The following PTPN4 variants were observed in gnomAD, a reference collection of about 807,000 sequenced individuals.
PTPN4 encodes the protein tyrosine-protein phosphatase non-receptor type 4.
PTPN4 carries 49 observed loss-of-function variants against 135.5 expected under a neutral mutation model. The observed-to-expected ratio is 0.36, with a 90% CI of 0.29 to 0.46. PTPN4 has a LOEUF of 0.46. Among genes scored for constraint, PTPN4 ranks in the 20% least tolerant of loss-of-function variants. The pLI is 1.00. For missense variants in PTPN4, 860 were observed against 1,101.0 expected, an observed-to-expected ratio of 0.78 and a Z score of 3.10; for synonymous variants, 333 against 369.9, an observed-to-expected ratio of 0.90 and a Z score of 1.14.
rs1678713507 is a variant in PTPN4, at chr2:119,919,958, A to T, written c.829-111A>T. 7 of 1,401,574 alleles carry T rather than the reference A, an allele frequency of 5.0e-6. No homozygotes were observed. In the South Asian group the frequency reaches 1.2e-4, roughly 23 times the overall value. The allele number at this position is 1,401,574 out of a possible 1,614,324, so 86.8% of individuals were successfully genotyped here. A position where few individuals can be genotyped will look rare whatever the true frequency, so the allele number is the denominator to read the frequency against. ...CCCATAGGTTCTATCTATATCATTAACAAGTTCATGTTTACAAGGCTAGAA... is the reference window on the plus strand; with the variant it reads ...CCCATAGGTTCTATCTATATCATTATCAAGTTCATGTTTACAAGGCTAGAA... On this transcript the variant is annotated intron_variant, in intron 11 of 26. Transcript: ENST00000263708.
intron 8 of PTPN4, among the ~76,000 whole-genome samples, chr2:119,884,186 C>T (rs1449276208): frequency 6.6e-6 from 1 of 152,258 alleles, no homozygotes; most frequent in African/African-American, 2.4e-5. Flanking sequence ...GCGTGAGCCA[C>T]CACGCCCAGC....
At chr2:119,842,247 T>C (rs1677392638) in intron 2 of PTPN4, among the ~76,000 whole-genome samples, 1 of 152,222 alleles carries the variant, frequency 6.6e-6, no homozygotes, top group Non-Finnish European at 1.5e-5. Flanking sequence ...CATCAGGTCC[T>C]AGTATAAGGT....
intron 26 of PTPN4, among the ~76,000 whole-genome samples, chr2:119,969,195 TAG>T (rs964031531): frequency 2.6e-5 from 4 of 152,004 alleles, no homozygotes; most frequent in African/African-American, 4.8e-5. Flanking sequence ...TTATTTTTTG[TAG>T]AGAGGGGATC....
At chr2:119,779,883 C>A (rs1178019763) in intron 1 of PTPN4, among the ~76,000 whole-genome samples, 1 of 151,918 alleles carries the variant, frequency 6.6e-6, no homozygotes, top group African/African-American at 2.4e-5. Context: ...TAGTTGGGAC[C>A]ACAGTCACTC....
intron 1 of PTPN4, among the ~76,000 whole-genome samples, chr2:119,795,699 G>A (rs549629527): frequency 3.3e-4 from 51 of 152,308 alleles, no homozygotes; most frequent in Admixed American, 5.9e-4. Context: ...GTCCACAACT[G>A]TAACTTTTGC....
chr2:119,760,550 CAAAA>C (rs767413568), intron 1 of PTPN4, among the ~76,000 whole-genome samples, 166 bp downstream of exon 1: 30 of 151,668 alleles, frequency 2.0e-4, no homozygotes, highest in African/African-American at 5.6e-4. Flanking sequence ...AACAAACAAA[CAAAA>C]AAACGCTTTC....
At chr2:119,852,189 C>A (rs1000721262) in intron 2 of PTPN4, among the ~76,000 whole-genome samples, 2 of 152,142 alleles carry the variant, frequency 1.3e-5, no homozygotes, top group African/African-American at 4.8e-5. Context: ...GTAAATCAAC[C>A]CTACCTCCTT....
chr2:119,844,353 C>T (rs1276451238), intron 2 of PTPN4, among the ~76,000 whole-genome samples: 1 of 59,162 alleles, frequency 1.7e-5, no homozygotes, highest in Non-Finnish European at 3.2e-5. Flanking sequence ...GGGCTGACCC[C>T]CCCCCCCCAC....
At chr2:119,967,563 T>C (rs1574425364) in intron 25 of PTPN4, among the ~76,000 whole-genome samples, 1 of 152,240 alleles carries the variant, frequency 6.6e-6, no homozygotes, top group East Asian at 1.9e-4. Flanking sequence ...AGTAAGCTTC[T>C]ATTCCTTGTT....
At chr2:119,892,947 C>CG (rs1678263555) in intron 9 of PTPN4, among the ~76,000 whole-genome samples, 1 of 150,390 alleles carries the variant, frequency 6.6e-6, no homozygotes, top group African/African-American at 2.5e-5. Flanking sequence ...AGGCTGATCT[C>CG]AAACTTCTCA....
At chr2:119,859,081 A>C (rs867758684) in intron 2 of PTPN4, among the ~76,000 whole-genome samples, 2 of 151,574 alleles carry the variant, frequency 1.3e-5, no homozygotes, top group Admixed American at 6.6e-5. Context: ...TATAATTTGC[A>C]TTTGGTTCTT....
chr2:119,889,023 T>C (rs1308771582), intron 9 of PTPN4, among the ~76,000 whole-genome samples: 1 of 152,200 alleles, frequency 6.6e-6, no homozygotes, highest in Middle Eastern at 3.2e-3. Flanking sequence ...ATTGGTCTCT[T>C]CAGGTTTTCT....
At chr2:119,810,557 T>C (rs896914904) in intron 2 of PTPN4, among the ~76,000 whole-genome samples, 3 of 152,228 alleles carry the variant, frequency 2.0e-5, no homozygotes, top group African/African-American at 7.2e-5. Flanking sequence ...AGTTTACTTA[T>C]CCTTTCATTT....
intron 9 of PTPN4, among the ~76,000 whole-genome samples, chr2:119,895,065 A>G (rs994065808): frequency 1.3e-5 from 2 of 152,228 alleles, no homozygotes; most frequent in Non-Finnish European, 2.9e-5. Context: ...ATAAAGATAG[A>G]GGAAAATATA....
intron 9 of PTPN4, among the ~76,000 whole-genome samples, chr2:119,893,150 T>A (rs1001316161): frequency 5.9e-5 from 9 of 152,176 alleles, no homozygotes; most frequent in African/African-American, 2.2e-4. Context: ...GTTTTGAGAG[T>A]ATACTATAAG....
rs145737396 is a variant in PTPN4 at position 119,941,022 on chromosome 2, A to G, written c.1356-4059A>G. On this transcript the variant is annotated intron_variant, in intron 15 of 26. Transcript: ENST00000263708. The stretch of plus-strand genomic sequence containing the variant: ...TTGAGGGTACCAGCTGTAATTTCTG[A>G]CAGGGCTGTGTTTCACTATGCTGCC... Among the ~76,000 whole-genome samples the G allele has an allele frequency of 5.3e-4, 81 of 152,224 alleles. 1 individual carries two copies. Among genetic ancestry groups the G allele is most frequent in the African/African-American group, 1.8e-3 (76 of 41,542 alleles).
At chr2:119,872,154 A>G (rs1677922704) in intron 3 of PTPN4, among the ~76,000 whole-genome samples, 1 of 152,162 alleles carries the variant, frequency 6.6e-6, no homozygotes, top group African/African-American at 2.4e-5. Flanking sequence ...TATTTAGCGT[A>G]GTGAAAGGTA....
chr2:119,972,186 C>T (rs1282461936), intron 26 of PTPN4, among the ~76,000 whole-genome samples: 2 of 124,330 alleles, frequency 1.6e-5, no homozygotes, highest in South Asian at 5.4e-4. Context: ...AAAAAAAAAA[C>T]CAGCAACCAG....
At chr2:119,837,061 A>G (rs72836830) in intron 2 of PTPN4, among the ~76,000 whole-genome samples, 3,666 of 152,324 alleles carry the variant, frequency 0.024, 64 homozygotes, top group Non-Finnish European at 0.033. Flanking sequence ...AGGGATGACC[A>G]GAAGCATGGG....
Sources: allele counts gnomAD v4.1 joint callset (sites outside exome capture counted in the v4.1 genomes callset), GRCh38; gene constraint gnomAD v4.1.1; transcripts MANE v1.5; gene names NCBI Gene and HGNC (gene_info 2026-07-23, HGNC 2026-07-21).